SHB: variants seen among roughly 807,000 people sequenced by gnomAD.
The protein encoded by SHB is SH2 domain containing adaptor protein B, also known as SH2 domain-containing adapter protein B.
Under a neutral mutation model 52.3 loss-of-function variants are expected in SHB, and 20 were observed. The observed-to-expected ratio is 0.38, with a 90% confidence interval of 0.27 to 0.56. The LOEUF (loss-of-function observed/expected upper bound fraction) is 0.56, where lower values mean the gene tolerates loss of function less well. Among genes scored for constraint, SHB ranks in the 20% least tolerant of loss-of-function variants. SHB has a pLI of 0.71. For missense variants in SHB, 825 were observed against 723.3 expected (o/e 1.14, Z -1.61); for synonymous variants, 397 against 316.5 (o/e 1.25, Z -2.70).
At chr9:38,011,880 G>C (rs1821146456) in intron 2 of SHB, among the ~76,000 whole-genome samples, 1 of 152,180 alleles carries the variant, frequency 6.6e-6, no homozygotes. Context: ...GGTTTAAGGA[G>C]ACACCCCCAG....
chr9:37,984,378 C>G (rs868559147), intron 2 of SHB, among the ~76,000 whole-genome samples: 1 of 152,204 alleles, frequency 6.6e-6, no homozygotes, highest in South Asian at 2.1e-4. Flanking sequence ...TCTGACACCC[C>G]CACATAGGAG....
At chr9:38,030,040 C>T (rs905150450) in intron 1 of SHB, among the ~76,000 whole-genome samples, 9 of 152,206 alleles carry the variant, frequency 5.9e-5, no homozygotes, top group Non-Finnish European at 1.2e-4. Context: ...GGTGTACTCT[C>T]ACAGCCAGTG....
chr9:37,936,636 T>A (rs890820303), intron 5 of SHB: 15 of 152,156 alleles, frequency 9.9e-5, no homozygotes, highest in African/African-American at 3.6e-4. Flanking sequence ...ACCCTGAGGG[T>A]CAAAATCAGA....
At chr9:38,016,537 C>G (rs1402840354) in intron 1 of SHB, among the ~76,000 whole-genome samples, 1 of 152,236 alleles carries the variant, frequency 6.6e-6, no homozygotes, top group Non-Finnish European at 1.5e-5. Context: ...CCTAGAAATG[C>G]TGACATGCTC....
At chr9:37,987,342 C>T (rs1454789160) in intron 2 of SHB, among the ~76,000 whole-genome samples, 1 of 152,264 alleles carries the variant, frequency 6.6e-6, no homozygotes, top group Non-Finnish European at 1.5e-5. Flanking sequence ...ACCCCACAGA[C>T]ACTGCCATTT....
intron 3 of SHB, among the ~76,000 whole-genome samples, chr9:37,965,807 A>ACCTGGGAC (rs1326104084): frequency 1.3e-5 from 2 of 152,064 alleles, no homozygotes; most frequent in African/African-American, 4.8e-5. Flanking sequence ...TGGCGGGATG[A>ACCTGGGAC]CCTGGGCCAA....
intron 3 of SHB, among the ~76,000 whole-genome samples, chr9:37,973,242 T>C (rs1820612201): frequency 6.6e-6 from 1 of 151,286 alleles, no homozygotes; most frequent in South Asian, 2.1e-4. Flanking sequence ...TTATTTTTTA[T>C]TTTTATTTTT....
chr9:37,930,352 C>T (rs1832298668), intron 5 of SHB, among the ~76,000 whole-genome samples: 4 of 152,090 alleles, frequency 2.6e-5, no homozygotes, highest in Non-Finnish European at 5.9e-5. Flanking sequence ...GCGGAGGATT[C>T]TCTGGCAAGA....
chr9:38,021,291 G>C (rs1821279749), intron 1 of SHB, among the ~76,000 whole-genome samples: 1 of 151,782 alleles, frequency 6.6e-6, no homozygotes, highest in African/African-American at 2.4e-5. Flanking sequence ...GGTGAGCCGA[G>C]ATCGCGCCAT....
At position 38,016,154 on chromosome 9, in the gene SHB, T is replaced by A. The variant is rs767448035; in HGVS notation, c.718-23A>T. The A allele has an allele frequency of 2.5e-6, 4 of 1,613,616 alleles. No homozygotes were observed. In the South Asian group the frequency reaches 3.3e-5, roughly 13 times the overall value. ...CACCTGCAGGGAGGAAGATGGCAGG[T>A]GTGAGTCCACCTTTGGCTTTTTTGT... On this transcript the variant is annotated intron_variant, in intron 1 of 5. Coordinates refer to ENST00000377707, the MANE Select transcript of SHB (RefSeq NM_003028.3).
chr9:37,919,825 A>G lies in SHB; in HGVS notation c.1526T>C (p.Leu509Pro). 1 of 1,613,114 alleles carries G rather than the reference A, an allele frequency of 6.2e-7. No homozygotes were observed. Among genetic ancestry groups the G allele is most frequent in the Non-Finnish European group, 8.5e-7 (1 of 1,179,756 alleles). The change falls in exon 6 of 6, where the codon CTG becomes CCG. Residue 509 changes from leucine to proline, a missense_variant. Transcript: ENST00000377707. The part of the protein sequence containing the change: ...SLLYPVAVRT[L>P] Reference sequence around the variant, plus strand: ...AGCAGGGCAGGTCTGGTCCGCTCACAGGGTCCTCACAGCCACGGGATAGAG... The same window carrying G: ...AGCAGGGCAGGTCTGGTCCGCTCACGGGGTCCTCACAGCCACGGGATAGAG...
intron 2 of SHB, among the ~76,000 whole-genome samples, chr9:37,976,248 C>T (rs1820652426): frequency 6.6e-6 from 1 of 152,202 alleles, no homozygotes; most frequent in African/African-American, 2.4e-5. Flanking sequence ...GTTGGCAAGG[C>T]TGGCCTCGAA....
At chr9:38,017,591 T>C (rs1237716957) in intron 1 of SHB, among the ~76,000 whole-genome samples, 1 of 152,354 alleles carries the variant, frequency 6.6e-6, no homozygotes, top group African/African-American at 2.4e-5. Context: ...CAGCGGTCAC[T>C]GCTCCCCAAA....
chr9:37,944,398 C>A (rs1316915418), intron 5 of SHB, among the ~76,000 whole-genome samples: 2 of 152,200 alleles, frequency 1.3e-5, no homozygotes, highest in Non-Finnish European at 2.9e-5. Flanking sequence ...ACCCTAAATC[C>A]CTTCTGGGTG....
Position 38,022,621 on chromosome 9 carries a change from A to AC in SHB, c.718-6491dup, listed in dbSNP as rs201149634. Among the ~76,000 whole-genome samples, 1,384 of 151,532 alleles carry AC rather than the reference A, an allele frequency of 9.1e-3. 14 individuals carry two copies. Among genetic ancestry groups the AC allele is most frequent in the African/African-American group, 0.031 (1,283 of 41,292 alleles). On this transcript the variant is annotated intron_variant, in intron 1 of 5. Coordinates refer to ENST00000377707, the MANE Select transcript of SHB (RefSeq NM_003028.3). The stretch of plus-strand genomic sequence containing the variant: ...CCTGAAGTCCCAGTCCTCCTTTGGG[A>AC]CCCCCCCATAACACAGGCCCTAGCG...
At chr9:38,019,384 G>T (rs1393241639) in intron 1 of SHB, among the ~76,000 whole-genome samples, 1 of 152,246 alleles carries the variant, frequency 6.6e-6, no homozygotes, top group Non-Finnish European at 1.5e-5. Context: ...TAGCAAACCA[G>T]CAGTGGCCTG....
At chr9:37,958,177 A>G (rs1321539187) in intron 3 of SHB, among the ~76,000 whole-genome samples, 2 of 152,192 alleles carry the variant, frequency 1.3e-5, no homozygotes, top group Non-Finnish European at 2.9e-5. Context: ...GGCTAATTAG[A>G]GGGACAGAGA....
intron 1 of SHB, among the ~76,000 whole-genome samples, chr9:38,022,596 C>A (rs1369586660): frequency 1.3e-5 from 2 of 152,174 alleles, no homozygotes; most frequent in Non-Finnish European, 2.9e-5. Context: ...CGCTCCGAGG[C>A]CTGAAGTCCC....
chr9:37,953,806 G>A (rs1052877345), intron 4 of SHB, among the ~76,000 whole-genome samples: 1 of 152,190 alleles, frequency 6.6e-6, no homozygotes, highest in African/African-American at 2.4e-5. Flanking sequence ...GGCTCTAACC[G>A]AAATGGGATT....
Sources: gnomAD v4.1 joint callset for allele counts (sites outside exome capture counted in the v4.1 genomes callset) on GRCh38, gnomAD v4.1.1 for gene constraint, MANE v1.5 for transcripts, NCBI Gene and HGNC (gene_info 2026-07-23, HGNC 2026-07-21) for gene names.